SNX29: variants seen among roughly 807,000 people sequenced by gnomAD.
The protein encoded by SNX29 is sorting nexin-29.
In SNX29, 78 loss-of-function variants were observed where a neutral mutation model predicts 102.1. The observed-to-expected ratio is 0.76, with a 90% CI of 0.64 to 0.92. The LOEUF is 0.92. Among genes scored for constraint, SNX29 ranks in the 40% least tolerant of loss-of-function variants. The probability of loss-of-function intolerance (pLI) is 0.00; values close to 1 mark genes in which losing one functional copy is unlikely to be tolerated. For synonymous variants in SNX29, 580 were observed against 414.5 expected (o/e 1.40, Z -4.85); for missense variants, 1,280 against 1,061.7 (o/e 1.21, Z -2.86).
chr16:12,515,835 A>G (rs1339599996), intron 19 of SNX29, among the ~76,000 whole-genome samples: 2 of 152,106 alleles, frequency 1.3e-5, no homozygotes, highest in Non-Finnish European at 2.9e-5. Flanking sequence ...GAGCCAGCAC[A>G]ATTAACGCGA....
intron 11 of SNX29, among the ~76,000 whole-genome samples, chr16:12,112,818 A>C (rs959036279): frequency 1.3e-5 from 2 of 152,206 alleles, no homozygotes; most frequent in Non-Finnish European, 2.9e-5. Flanking sequence ...AGGTACCTGC[A>C]CTGGGTACAG....
chr16:12,310,852 T>G (rs2080515564), intron 15 of SNX29, among the ~76,000 whole-genome samples: 1 of 151,284 alleles, frequency 6.6e-6, no homozygotes, highest in Non-Finnish European at 1.5e-5. Flanking sequence ...TCCTGGCACA[T>G]AGGAGCAGTG....
chr16:12,524,914 G>T, intron 20 of SNX29, 73 bp downstream of exon 20: 2 of 1,580,660 alleles, frequency 1.3e-6, no homozygotes, highest in Non-Finnish European at 8.6e-7. Context: ...TGGAAGGTCA[G>T]GGAGCACAGC....
intron 18 of SNX29, among the ~76,000 whole-genome samples, chr16:12,431,991 A>C (rs2085336443): frequency 6.6e-6 from 1 of 152,242 alleles, no homozygotes; most frequent in Admixed American, 6.5e-5. Context: ...GAGAGATAAG[A>C]TGGCTGCTCC....
Position 12,401,969 on chromosome 16 carries a change from C to G in SNX29, c.1956-1479C>G, listed in dbSNP as rs75342464. On this transcript the variant is annotated intron_variant, in intron 17 of 20. Coordinates refer to ENST00000566228, the MANE Select transcript of SNX29 (RefSeq NM_032167.5). Reference sequence around the variant, plus strand: ...TCTAACCCTGGGAGGTTGTCCACTCCTCACCAATCCAGAAAAGTTAATAAA... The same window carrying G: ...TCTAACCCTGGGAGGTTGTCCACTCGTCACCAATCCAGAAAAGTTAATAAA... Among the ~76,000 whole-genome samples the G allele has an allele frequency of 2.5e-3, 381 of 152,322 alleles. 10 individuals are homozygous for G. The East Asian group carries it at 0.062, about 25-fold the overall frequency.
rs149274364 is a variant in SNX29 at position 12,219,017 on chromosome 16, G to A, written c.1678+19334G>A. 9.9e-3 allele frequency among the ~76,000 whole-genome samples: 1,509 copies of A among 152,144 alleles called. 80 individuals carry two copies. Among genetic ancestry groups the A allele is most frequent in the Admixed American group, 0.088 (1,346 of 15,274 alleles). On this transcript the variant is annotated intron_variant, in intron 14 of 20. Coordinates refer to ENST00000566228, the MANE Select transcript of SNX29 (RefSeq NM_032167.5). ...TCTCGATCTCCTGACCTTGTGATCTGCCCGCCTTGGCCTCCCAAAGTGCTG... is the reference window on the plus strand; with the variant it reads ...TCTCGATCTCCTGACCTTGTGATCTACCCGCCTTGGCCTCCCAAAGTGCTG...
At chr16:12,370,662 G>A (rs553212681) in intron 16 of SNX29, among the ~76,000 whole-genome samples, 3 of 152,282 alleles carry the variant, frequency 2.0e-5, no homozygotes, top group East Asian at 3.9e-4. Context: ...GGCATCTTCC[G>A]GCGTGTTCTG....
chr16:12,469,042 G>A (rs777100684), intron 18 of SNX29, among the ~76,000 whole-genome samples: 1 of 152,146 alleles, frequency 6.6e-6, no homozygotes, highest in Non-Finnish European at 1.5e-5. Context: ...TTCAGCTACA[G>A]TTACGGTACC....
At chr16:12,182,483 G>A (rs2076409723) in intron 13 of SNX29, among the ~76,000 whole-genome samples, 1 of 152,102 alleles carries the variant, frequency 6.6e-6, no homozygotes, top group Non-Finnish European at 1.5e-5. Flanking sequence ...TCAGAGCAGA[G>A]CTTCCCAGCC....
At chr16:12,459,056 T>G in intron 18 of SNX29, among the ~76,000 whole-genome samples, 1 of 84,702 alleles carries the variant, frequency 1.2e-5, no homozygotes, top group South Asian at 5.9e-4. Flanking sequence ...TGCTGTCTTC[T>G]TCCCCCACCT....
At chr16:12,360,947 A>G (rs1383609977) in intron 16 of SNX29, among the ~76,000 whole-genome samples, 1 of 152,132 alleles carries the variant, frequency 6.6e-6, no homozygotes, top group African/African-American at 2.4e-5. Flanking sequence ...TACAAAGCCC[A>G]TTTTCTTTCT....
chr16:12,082,188 C>T (rs1387690631), intron 11 of SNX29, among the ~76,000 whole-genome samples: 2 of 151,860 alleles, frequency 1.3e-5, no homozygotes, highest in African/African-American at 4.8e-5. Flanking sequence ...AAGAACACTG[C>T]GTTTTGATTT....
intron 11 of SNX29, among the ~76,000 whole-genome samples, chr16:12,085,564 T>G (rs1330767115): frequency 1.3e-5 from 2 of 152,196 alleles, no homozygotes; most frequent in Non-Finnish European, 2.9e-5. Context: ...TGACTTCAGG[T>G]GATCCTCCTG....
rs148489678 is a variant in SNX29, at chr16:12,544,677, C to A, written c.2318+19836C>A. Among the ~76,000 whole-genome samples the A allele has an allele frequency of 1.2e-3, 182 of 152,262 alleles. 1 individual carries two copies. In the East Asian group the frequency reaches 0.028, roughly 24 times the overall value. On this transcript the variant is annotated intron_variant, in intron 20 of 20. Coordinates refer to ENST00000566228, the MANE Select transcript of SNX29 (RefSeq NM_032167.5). ...TTACTTCTCATGAAGCCTTTGAGAG[C>A]GCTGTCACTCGAATTCTCTTCCTCC...
chr16:12,393,408 G>GCATTCATTCATTCATTCATTCATT (rs879644508), intron 16 of SNX29, among the ~76,000 whole-genome samples: 3 of 138,176 alleles, frequency 2.2e-5, no homozygotes, highest in South Asian at 2.4e-4. Flanking sequence ...ATGCATGCAT[G>GCATTCATTCATTCATTCATTCATT]CATGCATTCA....
intron 19 of SNX29, among the ~76,000 whole-genome samples, chr16:12,516,050 C>G (rs2089850122): frequency 6.6e-6 from 1 of 152,148 alleles, no homozygotes; most frequent in Admixed American, 6.5e-5. Flanking sequence ...CTAGACGTGG[C>G]CTGCCCCAAC....
At chr16:12,375,457 TCCAGGGTCTCTCC>T (rs1482058088) in intron 16 of SNX29, 1 of 152,182 alleles carries the variant, frequency 6.6e-6, no homozygotes, top group Non-Finnish European at 1.5e-5. Context: ...TGGTTCTCTC[TCCAGGGTCTCTCC>T]CAGGCTGCAA....
chr16:12,326,318 A>G (rs2081116558), intron 15 of SNX29, among the ~76,000 whole-genome samples: 1 of 117,196 alleles, frequency 8.5e-6, no homozygotes, highest in Admixed American at 1.0e-4. Flanking sequence ...ATAAATATAT[A>G]GCTTTTTTGT....
At chr16:12,260,907 G>T (rs1296749688) in intron 14 of SNX29, among the ~76,000 whole-genome samples, 1 of 146,614 alleles carries the variant, frequency 6.8e-6, no homozygotes, top group African/African-American at 2.5e-5. Context: ...GTGAGTGTTT[G>T]TTGAGCTCAG....
Sources: gnomAD v4.1 joint callset for allele counts (sites outside exome capture counted in the v4.1 genomes callset) on GRCh38, gnomAD v4.1.1 for gene constraint, MANE v1.5 for transcripts, NCBI Gene and HGNC (gene_info 2026-07-23, HGNC 2026-07-21) for gene names.